The following SLC35F3 variants were observed in gnomAD, a reference collection of about 807,000 sequenced individuals.
SLC35F3 encodes the protein putative thiamine transporter SLC35F3.
A neutral mutation model predicts 49.9 loss-of-function variants in SLC35F3; 25 were observed. The observed-to-expected ratio is 0.50, with a 90% confidence interval of 0.37 to 0.70. The LOEUF is 0.70. Among genes scored for constraint, SLC35F3 ranks in the 30% least tolerant of loss-of-function variants. SLC35F3 has a pLI of 0.00. For synonymous variants in SLC35F3, 275 were observed against 265.4 expected, an observed-to-expected ratio of 1.04 and a Z score of -0.35; for missense variants, 525 against 639.8, an observed-to-expected ratio of 0.82 and a Z score of 1.94.
intron 2 of SLC35F3, among the ~76,000 whole-genome samples, chr1:233,987,700 C>T (rs1171746581): frequency 6.6e-6 from 1 of 152,098 alleles, no homozygotes; most frequent in Non-Finnish European, 1.5e-5. Context: ...TTTATTTGCT[C>T]ATTCATTCCC....
chr1:234,081,531 G>A (rs988849722), intron 2 of SLC35F3, among the ~76,000 whole-genome samples: 1 of 152,076 alleles, frequency 6.6e-6, no homozygotes, highest in Non-Finnish European at 1.5e-5. Context: ...CTGTGGATGG[G>A]GTGAATATCC....
At chr1:234,077,631 A>G (rs541828309) in intron 2 of SLC35F3, among the ~76,000 whole-genome samples, 56 of 152,308 alleles carry the variant, frequency 3.7e-4, no homozygotes, top group Non-Finnish European at 7.2e-4. Context: ...GTGGGTGTGC[A>G]GTGTCATGCT....
intron 2 of SLC35F3, among the ~76,000 whole-genome samples, chr1:233,934,540 A>C (rs1045071010): frequency 3.2e-4 from 48 of 152,234 alleles, no homozygotes; most frequent in African/African-American, 1.2e-3. Flanking sequence ...TATTACAGAG[A>C]TATTTTAATG....
At chr1:234,163,968 C>G (rs959842858) in intron 2 of SLC35F3, among the ~76,000 whole-genome samples, 1 of 149,948 alleles carries the variant, frequency 6.7e-6, no homozygotes, top group Non-Finnish European at 1.5e-5. Context: ...TATTTCTTCT[C>G]AAAATAAAAT....
chr1:234,251,435 G>T (rs1008350491), intron 3 of SLC35F3, among the ~76,000 whole-genome samples: 70 of 115,846 alleles, frequency 6.0e-4, no homozygotes, highest in Non-Finnish European at 1.2e-3. Flanking sequence ...TATATATATA[G>T]AAGAAAAGAG....
intron 2 of SLC35F3, among the ~76,000 whole-genome samples, chr1:234,119,718 C>G (rs1231255426): frequency 6.6e-6 from 1 of 152,082 alleles, no homozygotes; most frequent in South Asian, 2.1e-4. Context: ...TTATCTGTGC[C>G]AGCTAGTATT....
chr1:234,055,153 C>T (rs1664437304), intron 2 of SLC35F3, among the ~76,000 whole-genome samples: 1 of 152,124 alleles, frequency 6.6e-6, no homozygotes, highest in Admixed American at 6.5e-5. Flanking sequence ...CTGGGAGATC[C>T]ACTACTCTCT....
intron 2 of SLC35F3, among the ~76,000 whole-genome samples, chr1:234,140,957 GAGA>G (rs1467694398): frequency 1.3e-5 from 2 of 152,172 alleles, no homozygotes; most frequent in Non-Finnish European, 2.9e-5. Flanking sequence ...ATTTCAAAGA[GAGA>G]AGAATGACAA....
At chr1:234,317,381 C>T (rs1254755233) in intron 5 of SLC35F3, among the ~76,000 whole-genome samples, 3 of 150,602 alleles carry the variant, frequency 2.0e-5, no homozygotes, top group African/African-American at 4.9e-5. Context: ...GGCTGCTCTC[C>T]CCCCTCACTT....
At chr1:234,322,230 T>C (rs1411219902) in intron 7 of SLC35F3, among the ~76,000 whole-genome samples, 2 of 149,446 alleles carry the variant, frequency 1.3e-5, no homozygotes, top group African/African-American at 2.5e-5. Context: ...CCTTGAACAA[T>C]GTAGAGAATG....
chr1:234,321,533 T>G (rs1657620064), intron 7 of SLC35F3, among the ~76,000 whole-genome samples: 1 of 152,212 alleles, frequency 6.6e-6, no homozygotes, highest in Admixed American at 6.5e-5. Flanking sequence ...TCCCCCTACA[T>G]TCTTTGCATC....
At chr1:234,072,517 C>T (rs1024470747) in intron 2 of SLC35F3, among the ~76,000 whole-genome samples, 13 of 152,054 alleles carry the variant, frequency 8.5e-5, no homozygotes, top group African/African-American at 2.9e-4. Context: ...GCGTTTAATA[C>T]GATGGAGAAA....
chr1:233,980,985 C>G (rs558714410), intron 2 of SLC35F3, among the ~76,000 whole-genome samples: 4 of 152,212 alleles, frequency 2.6e-5, no homozygotes, highest in Non-Finnish European at 5.9e-5. Context: ...CATTTTTGTC[C>G]TCCTAACTCA....
Position 234,040,734 on chromosome 1 carries a change from G to C in SLC35F3, c.283+134976G>C, listed in dbSNP as rs551892669. ...TGGCCTTTGATGCCTCTTGAGGATG[G>C]AGTAGGAGAGAATTACAAAGTGGTT... On this transcript the variant is annotated intron_variant, in intron 2 of 7. Transcript: ENST00000366618. Among the ~76,000 whole-genome samples, 3 of 152,374 alleles carry C rather than the reference G, an allele frequency of 2.0e-5. No individual in the cohort carries two copies. In the Middle Eastern group the frequency reaches 0.01, roughly 518 times the overall value.
rs6675192 is a variant in SLC35F3 at position 234,046,684 on chromosome 1, A to G, written c.283+140926A>G. ...AGTACTTCTGTAGTCTGAGATTATA[A>G]AGATATTCTTCTACTATTTTGAAAA... On this transcript the variant is annotated intron_variant, in intron 2 of 7. Coordinates refer to ENST00000366618, the MANE Select transcript of SLC35F3 (RefSeq NM_173508.4). The surrounding 1 kb of genome is among the most constrained non-coding windows in gnomAD (Gnocchi z 4.4). Among the ~76,000 whole-genome samples, 5,117 of 152,250 alleles carry G rather than the reference A, an allele frequency of 0.034. 268 individuals are homozygous for G. The highest frequency in any genetic ancestry group is 0.11 in the African/African-American group (4,593 of 41,524).
intron 2 of SLC35F3, among the ~76,000 whole-genome samples, chr1:234,156,403 A>G (rs1666153727): frequency 6.6e-6 from 1 of 152,234 alleles, no homozygotes; most frequent in African/African-American, 2.4e-5. Flanking sequence ...AAATGTACCC[A>G]AAAGCGATCA....
intron 2 of SLC35F3, among the ~76,000 whole-genome samples, chr1:234,042,369 GA>G (rs2102853723): frequency 6.6e-6 from 1 of 152,222 alleles, no homozygotes; most frequent in Non-Finnish European, 1.5e-5. Flanking sequence ...TGTCTCTAAA[GA>G]AAGGCTCCTA....
intron 2 of SLC35F3, among the ~76,000 whole-genome samples, chr1:234,098,625 TTGG>T (rs1215103809): frequency 1.1e-4 from 16 of 146,240 alleles, no homozygotes; most frequent in Non-Finnish European, 1.5e-4. Flanking sequence ...GGTGACTGTA[TTGG>T]TGGTGGTGGT....
chr1:233,906,961 C>T (rs1459506716), intron 2 of SLC35F3, among the ~76,000 whole-genome samples: 2 of 152,310 alleles, frequency 1.3e-5, no homozygotes, highest in East Asian at 1.9e-4. Flanking sequence ...TGTATCTCTT[C>T]CAATCTCTTG....
Sources: gnomAD v4.1 joint callset for allele counts (sites outside exome capture counted in the v4.1 genomes callset) on GRCh38, gnomAD v4.1.1 for gene constraint, Gnocchi (gnomAD v3.1) non-coding constraint, MANE v1.5 for transcripts, NCBI Gene and HGNC (gene_info 2026-07-23, HGNC 2026-07-21) for gene names.